The following ELMO1 variants were observed in gnomAD, a reference collection of about 807,000 sequenced individuals.
ELMO1 encodes the protein engulfment and cell motility 1, also known as engulfment and cell motility protein 1.
Under a neutral mutation model 98.9 loss-of-function variants are expected in ELMO1, and 26 were observed. The observed-to-expected ratio is 0.26, with a 90% confidence interval of 0.19 to 0.36. The LOEUF (loss-of-function observed/expected upper bound fraction) is 0.36, where lower values mean the gene tolerates loss of function less well. Among genes scored for constraint, ELMO1 ranks in the 10% least tolerant of loss-of-function variants. The probability of loss-of-function intolerance (pLI) is 1.00; values close to 1 mark genes in which losing one functional copy is unlikely to be tolerated. For missense variants in ELMO1, 627 were observed against 935.2 expected (o/e 0.67, Z 4.30); for synonymous variants, 346 against 346.0 (o/e 1.00, Z 0.00).
At chr7:37,148,364 C>G (rs566370463) in intron 13 of ELMO1, among the ~76,000 whole-genome samples, 3 of 152,174 alleles carry the variant, frequency 2.0e-5, no homozygotes, top group Non-Finnish European at 4.4e-5. Context: ...GAATTTAAGG[C>G]AAACTTTCCT....
chr7:36,987,348 C>T (rs1001129992), intron 16 of ELMO1, among the ~76,000 whole-genome samples: 7 of 152,100 alleles, frequency 4.6e-5, no homozygotes, highest in African/African-American at 1.7e-4. Context: ...TGGTCAGACT[C>T]GAGGGGGCTC....
intron 15 of ELMO1, among the ~76,000 whole-genome samples, chr7:37,031,825 A>G (rs1458871715): frequency 5.3e-5 from 8 of 152,190 alleles, no homozygotes; most frequent in Admixed American, 5.2e-4. Context: ...TTCTCCTCAC[A>G]TTGAAATATT....
At chr7:37,006,192 T>C (rs893945244) in intron 16 of ELMO1, among the ~76,000 whole-genome samples, 6 of 152,216 alleles carry the variant, frequency 3.9e-5, no homozygotes, top group Non-Finnish European at 8.8e-5. Flanking sequence ...TACAGAGGTA[T>C]AAAACAATCT....
At chr7:37,408,337 T>C (rs143939534) in intron 1 of ELMO1, among the ~76,000 whole-genome samples, 22 of 152,248 alleles carry the variant, frequency 1.4e-4, no homozygotes, top group Non-Finnish European at 2.4e-4. Context: ...CTAAGACACA[T>C]TGGAAAAAAG....
chr7:36,882,312 T>C (rs1804535521), intron 18 of ELMO1, among the ~76,000 whole-genome samples: 1 of 152,208 alleles, frequency 6.6e-6, no homozygotes, highest in Non-Finnish European at 1.5e-5. Context: ...AAGGTCGGCT[T>C]TCTGCCTAAG....
At chr7:37,167,782 C>A (rs1403039981) in intron 13 of ELMO1, among the ~76,000 whole-genome samples, 3 of 150,888 alleles carry the variant, frequency 2.0e-5, no homozygotes, top group African/African-American at 7.3e-5. Flanking sequence ...TTTTTTCCTT[C>A]ATTTCAACTT....
intron 16 of ELMO1, among the ~76,000 whole-genome samples, chr7:36,991,836 C>T (rs1033997916): frequency 6.6e-6 from 1 of 152,138 alleles, no homozygotes; most frequent in Non-Finnish European, 1.5e-5. Context: ...CTATAAAAGG[C>T]CCCATTTCCA....
chr7:36,936,835 A>G (rs1786574778), intron 16 of ELMO1, among the ~76,000 whole-genome samples: 1 of 152,218 alleles, frequency 6.6e-6, no homozygotes, highest in African/African-American at 2.4e-5. Context: ...GATATCTGTT[A>G]GGATTTTGGG....
intron 16 of ELMO1, among the ~76,000 whole-genome samples, chr7:36,938,694 A>C (rs549217122): frequency 2.0e-4 from 31 of 152,330 alleles, no homozygotes; most frequent in African/African-American, 7.5e-4. Flanking sequence ...TGCATGAGCT[A>C]AGAGGGCCTT....
At chr7:36,884,363 A>G (rs1584305766) in intron 18 of ELMO1, among the ~76,000 whole-genome samples, 1 of 152,160 alleles carries the variant, frequency 6.6e-6, no homozygotes, top group East Asian at 1.9e-4. Context: ...GCTAAAATTA[A>G]TAGCAAACAT....
At chr7:37,082,596 T>C (rs1190270427) in intron 15 of ELMO1, among the ~76,000 whole-genome samples, 3 of 152,160 alleles carry the variant, frequency 2.0e-5, no homozygotes, top group African/African-American at 7.2e-5. Flanking sequence ...TTGTGTGTAG[T>C]GGCATGTGTC....
intron 13 of ELMO1, among the ~76,000 whole-genome samples, chr7:37,188,652 G>T (rs548910391): frequency 6.6e-6 from 1 of 151,930 alleles, no homozygotes; most frequent in Non-Finnish European, 1.5e-5. Flanking sequence ...AATCTTTAGA[G>T]TTATGAAACG....
chr7:37,059,140 C>T (rs1482770582), intron 15 of ELMO1, among the ~76,000 whole-genome samples: 1 of 152,184 alleles, frequency 6.6e-6, no homozygotes. Flanking sequence ...TTTATATTCA[C>T]TCCAATATAT....
chr7:37,187,070 G>A (rs576904471), intron 13 of ELMO1, among the ~76,000 whole-genome samples: 1 of 152,248 alleles, frequency 6.6e-6, no homozygotes, highest in African/African-American at 2.4e-5. Flanking sequence ...CTCATCAACT[G>A]ATAAACAGAT....
chr7:37,000,531 T>A (rs894902307), intron 16 of ELMO1, among the ~76,000 whole-genome samples: 1 of 150,442 alleles, frequency 6.6e-6, no homozygotes, highest in African/African-American at 2.5e-5. Context: ...GGGGGATGCA[T>A]TTTTTCCCCC....
At chr7:36,952,897 G>A (rs536961879) in intron 16 of ELMO1, among the ~76,000 whole-genome samples, 1 of 151,138 alleles carries the variant, frequency 6.6e-6, no homozygotes, top group South Asian at 2.1e-4. Flanking sequence ...ACCCACTGGA[G>A]AGTGAAAGAC....
At chr7:37,327,813 C>A (rs758196839) in intron 2 of ELMO1, among the ~76,000 whole-genome samples, 2 of 152,124 alleles carry the variant, frequency 1.3e-5, no homozygotes, top group Non-Finnish European at 2.9e-5. Context: ...CAGGCAGAAC[C>A]TACAGCCCTG....
At chr7:37,059,314 T>G (rs1226522594) in intron 15 of ELMO1, among the ~76,000 whole-genome samples, 1 of 152,162 alleles carries the variant, frequency 6.6e-6, no homozygotes, top group African/African-American at 2.4e-5. Flanking sequence ...AAGATTAAAA[T>G]TATTTCAAGG....
intron 15 of ELMO1, among the ~76,000 whole-genome samples, chr7:37,030,325 T>C (rs1431319902): frequency 6.6e-6 from 1 of 152,212 alleles, no homozygotes; most frequent in South Asian, 2.1e-4. Flanking sequence ...TTCTTAGTCA[T>C]TCAATTTTGT....
Sources: allele counts gnomAD v4.1 joint callset (sites outside exome capture counted in the v4.1 genomes callset), GRCh38; gene constraint gnomAD v4.1.1; transcripts MANE v1.5; gene names NCBI Gene and HGNC (gene_info 2026-07-23, HGNC 2026-07-21).